CACNA2D1: variants seen among roughly 807,000 people sequenced by gnomAD.
The protein encoded by CACNA2D1 is calcium voltage-gated channel auxiliary subunit alpha2delta 1.
A neutral mutation model predicts 171.5 loss-of-function variants in CACNA2D1; 53 were observed. That is an observed-to-expected ratio of 0.31 (90% confidence interval 0.25 to 0.39). CACNA2D1 has a LOEUF of 0.39. Among genes scored for constraint, CACNA2D1 ranks in the 10% least tolerant of loss-of-function variants. The pLI is 1.00. For missense variants in CACNA2D1, 903 were observed against 1,299.8 expected, an observed-to-expected ratio of 0.69 and a Z score of 4.69; for synonymous variants, 442 against 443.1, an observed-to-expected ratio of 1.00 and a Z score of 0.03.
intron 1 of CACNA2D1, among the ~76,000 whole-genome samples, chr7:82,395,617 C>T (rs998098568): frequency 6.6e-6 from 1 of 152,146 alleles, no homozygotes; most frequent in African/African-American, 2.4e-5. Context: ...GAATATTATG[C>T]TGTTCATGGA....
At chr7:82,168,586 C>T (rs1169142578) in intron 4 of CACNA2D1, among the ~76,000 whole-genome samples, 1 of 151,968 alleles carries the variant, frequency 6.6e-6, no homozygotes, top group Admixed American at 6.6e-5. Context: ...TTACCCATTA[C>T]CTCAATATAG....
intron 32 of CACNA2D1, among the ~76,000 whole-genome samples, chr7:81,965,239 A>G (rs1211881819): frequency 6.6e-6 from 1 of 151,968 alleles, no homozygotes; most frequent in Non-Finnish European, 1.5e-5. Context: ...TGCAGGTTTG[A>G]GACTAGAAAT....
intron 3 of CACNA2D1, among the ~76,000 whole-genome samples, chr7:82,319,920 G>A (rs1051593497): frequency 9.2e-5 from 14 of 152,248 alleles, no homozygotes; most frequent in East Asian, 5.8e-4. Flanking sequence ...CCTTGACAGC[G>A]TCAGCTCCCG....
intron 21 of CACNA2D1, among the ~76,000 whole-genome samples, chr7:81,987,530 A>G (rs1486269561): frequency 2.0e-5 from 3 of 152,190 alleles, no homozygotes; most frequent in African/African-American, 7.2e-5. Context: ...AATTTATTAC[A>G]TTTCAAAATA....
chr7:82,124,096 A>T (rs1468747483), intron 5 of CACNA2D1, among the ~76,000 whole-genome samples: 1 of 152,176 alleles, frequency 6.6e-6, no homozygotes, highest in Non-Finnish European at 1.5e-5. Context: ...CATCCTATTC[A>T]AGGATTCAAT....
chr7:81,959,160 A>ACTT (rs1793794774), intron 38 of CACNA2D1, 115 bp downstream of exon 38: 1 of 765,396 alleles, frequency 1.3e-6, no homozygotes, highest in Non-Finnish European at 2.3e-6. Context: ...GTTAATGAGA[A>ACTT]AAACTATGGT....
chr7:82,023,547 A>C (rs2131048737), intron 12 of CACNA2D1, among the ~76,000 whole-genome samples: 1 of 151,306 alleles, frequency 6.6e-6, no homozygotes, highest in Non-Finnish European at 1.5e-5. Context: ...CCACATTAGT[A>C]TTAAACAAGA....
At chr7:82,175,742 AG>A (rs1796485229) in intron 3 of CACNA2D1, among the ~76,000 whole-genome samples, 4 of 152,008 alleles carry the variant, frequency 2.6e-5, no homozygotes, top group Admixed American at 2.6e-4. Flanking sequence ...TTGGTAATAA[AG>A]CTAACAATTT....
intron 21 of CACNA2D1, among the ~76,000 whole-genome samples, chr7:81,985,595 A>C (rs1328931376): frequency 4.6e-5 from 7 of 152,186 alleles, no homozygotes; most frequent in Non-Finnish European, 7.3e-5. Context: ...TAGTCTACTC[A>C]TAGGCAAATT....
chr7:82,023,323 G>A (rs980515782), intron 12 of CACNA2D1, among the ~76,000 whole-genome samples: 1 of 151,830 alleles, frequency 6.6e-6, no homozygotes, highest in African/African-American at 2.4e-5. Flanking sequence ...CTATAATCAG[G>A]TAGATTAATT....
intron 1 of CACNA2D1, among the ~76,000 whole-genome samples, chr7:82,399,144 G>A (rs534063480): frequency 6.6e-6 from 1 of 151,922 alleles, no homozygotes; most frequent in East Asian, 1.9e-4. Flanking sequence ...AGGAACTCTT[G>A]TTTCCACTCA....
chr7:82,033,001 A>C, intron 11 of CACNA2D1, 100 bp from the exon 12 acceptor site: 1 of 722,130 alleles, frequency 1.4e-6, no homozygotes, highest in Non-Finnish European at 2.5e-6. Flanking sequence ...GCAAGTAATT[A>C]ATGAAATATC....
At chr7:81,965,088 G>GC (rs1794578885) in intron 32 of CACNA2D1, among the ~76,000 whole-genome samples, 1 of 151,444 alleles carries the variant, frequency 6.6e-6, no homozygotes, top group East Asian at 2.0e-4. Context: ...CTGTCATCCA[G>GC]AAAAAAAACA....
intron 3 of CACNA2D1, among the ~76,000 whole-genome samples, chr7:82,299,666 A>C (rs529579427): frequency 1.3e-5 from 2 of 152,110 alleles, no homozygotes; most frequent in Non-Finnish European, 2.9e-5. Flanking sequence ...TCTCAAAAAA[A>C]AAAAAAAAAG....
intron 3 of CACNA2D1, among the ~76,000 whole-genome samples, chr7:82,207,845 T>G (rs1800167462): frequency 6.6e-6 from 1 of 152,246 alleles, no homozygotes; most frequent in African/African-American, 2.4e-5. Flanking sequence ...TTCCATAGAT[T>G]TGTTTTCAAT....
Position 82,135,810 on chromosome 7 carries a change from T to C in CACNA2D1, c.396+825A>G, listed in dbSNP as rs373529582. Among the ~76,000 whole-genome samples the C allele has an allele frequency of 1.1e-4, 16 of 152,284 alleles. No homozygotes were observed. The East Asian group carries it at 2.9e-3, about 28-fold the overall frequency. ...TGAGAAATGTGTGAAAGACATGTAATACTTTTATTATATTTGTTTGCTATG... is the reference window on the plus strand; with the variant it reads ...TGAGAAATGTGTGAAAGACATGTAACACTTTTATTATATTTGTTTGCTATG... On this transcript the variant is annotated intron_variant, in intron 5 of 38. Transcript: ENST00000356860.
intron 4 of CACNA2D1, among the ~76,000 whole-genome samples, chr7:82,159,931 C>A (rs997500614): frequency 7.2e-6 from 1 of 139,222 alleles, no homozygotes; most frequent in Admixed American, 8.5e-5. Context: ...CATACACACA[C>A]TCTCAAAAAT....
chr7:82,185,760 C>G (rs1276721785), intron 3 of CACNA2D1, among the ~76,000 whole-genome samples: 1 of 151,972 alleles, frequency 6.6e-6, no homozygotes, highest in Admixed American at 6.6e-5. Flanking sequence ...ATGAGATGTT[C>G]TTTTAAGAGA....
intron 4 of CACNA2D1, among the ~76,000 whole-genome samples, chr7:82,141,293 A>G (rs1792352020): frequency 6.6e-6 from 1 of 152,184 alleles, no homozygotes; most frequent in Non-Finnish European, 1.5e-5. Context: ...CAAATCAACT[A>G]AATTCTGTTC....
Sources: gnomAD v4.1 joint callset for allele counts (sites outside exome capture counted in the v4.1 genomes callset) on GRCh38, gnomAD v4.1.1 for gene constraint, MANE v1.5 for transcripts, NCBI Gene and HGNC (gene_info 2026-07-23, HGNC 2026-07-21) for gene names.